ARHGEF25: variants seen among roughly 807,000 people sequenced by gnomAD.
ARHGEF25 encodes Rho guanine nucleotide exchange factor 25, also known as RAC/CDC42 exchange factor.
In ARHGEF25, 42 loss-of-function variants were observed where a neutral mutation model predicts 74.0. That is an observed-to-expected ratio of 0.57 (90% CI 0.44 to 0.73). The LOEUF (loss-of-function observed/expected upper bound fraction) is 0.73, where lower values mean the gene tolerates loss of function less well. Among genes scored for constraint, ARHGEF25 ranks in the 30% least tolerant of loss-of-function variants. The pLI is 0.00. For synonymous variants in ARHGEF25, 293 were observed against 278.6 expected, an observed-to-expected ratio of 1.05 and a Z score of -0.51; for missense variants, 645 against 725.5, an observed-to-expected ratio of 0.89 and a Z score of 1.27.
In ARHGEF25 at chr12:57,615,717, G is replaced by A; in HGVS notation, c.1239+5G>A. The A allele has an allele frequency of 6.2e-7, 1 of 1,614,172 alleles. No individual in the cohort carries two copies. The highest frequency in any genetic ancestry group is 1.1e-5 in the South Asian group (1 of 91,074). ...GTATACAAGAACAGCATTAAGGTGG[G>A]GAGAAGGCCACGAGGGAGGGCTTGG... On this transcript the variant is annotated splice_donor_5th_base_variant and intron_variant, in intron 12 of 14. Transcript: ENST00000286494.
Position 57,614,663 on chromosome 12 carries a change from C to A in ARHGEF25, c.817-26C>A. ...GACAGAACTGGGGCTTTCCAGGCTGCATAACCACCCTGTCCCTGTCCCCAG... is the reference window on the plus strand; with the variant it reads ...GACAGAACTGGGGCTTTCCAGGCTGAATAACCACCCTGTCCCTGTCCCCAG... On this transcript the variant is annotated intron_variant, in intron 8 of 14. Coordinates refer to ENST00000286494, the MANE Select transcript of ARHGEF25 (RefSeq NM_182947.4). The surrounding 1 kb of genome is among the most constrained non-coding windows in gnomAD (Gnocchi z 4.6). 6.2e-7 allele frequency: 1 copy of A among 1,613,542 alleles called. No homozygotes were observed. The highest frequency in any genetic ancestry group is 8.5e-7 in the Non-Finnish European group (1 of 1,179,772).
intron 2 of ARHGEF25, 52 bp downstream of exon 2, chr12:57,613,196 CAGAG>C: frequency 1.2e-6 from 2 of 1,609,834 alleles, no homozygotes; most frequent in Non-Finnish European, 1.7e-6. Flanking sequence ...AGGACACTGG[CAGAG>C]AGGGCAAGTT....
rs894952649 is a variant in ARHGEF25 at position 57,613,497 on chromosome 12, A to G, written c.466A>G (p.Lys156Glu). 23 of 1,614,090 alleles carry G rather than the reference A, an allele frequency of 1.4e-5. No homozygotes were observed. The highest frequency in any genetic ancestry group is 1.9e-5 in the Non-Finnish European group (23 of 1,180,050). Residue 156 changes from lysine (K) to glutamate (E), a missense_variant, in exon 4 of 15, where the codon AAG (lysine) becomes GAG (glutamate). Transcript: ENST00000286494. ...APESEEEQKK[K>E]ALERSMYVLS... is the part of the protein sequence containing the mutation. The stretch of plus-strand genomic sequence containing the variant: ...TGAGAGTGAGGAGGAACAGAAGAAG[A>G]AGGCTCTGGAAAGGAGTATGTAAGT...
In ARHGEF25 at chr12:57,612,843, G is replaced by C. The variant is rs1884107973; in HGVS notation, c.98-87G>C. On this transcript the variant is annotated intron_variant, in intron 1 of 14. Coordinates refer to ENST00000286494, the MANE Select transcript of ARHGEF25 (RefSeq NM_182947.4). ...CTTGGAGAGAGAGGCTGAGCATCAT[G>C]AAGAGAAGACCCTGGGAGTTCCCTG... 7.2e-6 allele frequency: 11 copies of C among 1,535,700 alleles called. No homozygotes were observed. In the East Asian group the frequency reaches 2.5e-4, roughly 35 times the overall value.
At position 57,613,749 on chromosome 12, in the gene ARHGEF25, C is replaced by A. The variant is rs147980194; in HGVS notation, c.541C>A (p.Gln181Lys). The A allele has an allele frequency of 2.5e-5, 40 of 1,614,072 alleles. No individual in the cohort carries two copies. The African/African-American group carries it at 4.9e-4, about 20-fold the overall frequency. Residue 181 changes from glutamine (Q) to lysine (K), a missense_variant, in exon 5 of 15, where the codon CAG becomes AAG. Around this residue, in one of 3 missense-constraint regions of ARHGEF25, gnomAD observed 194 missense variants for 269.4 expected, o/e 0.72. Transcript: ENST00000286494. ...TEKMYVDDLG[Q>K]IVEGYMATMA... ...GAAAATGTACGTGGACGACTTGGGG[C>A]AGATTGTGGAGGTAGCTCCCTTTAC...
At chr12:57,612,826 G>T (rs186182058) in intron 1 of ARHGEF25, 104 bp from the exon 2 acceptor site, 94 of 1,518,610 alleles carry the variant, frequency 6.2e-5, no homozygotes, top group Non-Finnish European at 7.6e-5. Context: ...CCCTTGGAGA[G>T]AGAGGCTGAG....
chr12:57,613,167 G>C (rs751811460), intron 2 of ARHGEF25, 23 bp downstream of exon 2: 2 of 1,611,082 alleles, frequency 1.2e-6, no homozygotes, highest in South Asian at 2.2e-5. Context: ...CGGCACCAAA[G>C]CATGTGGGAC....
At chr12:57,615,052 G>A (rs1178250403) in intron 10 of ARHGEF25, 35 bp downstream of exon 10, 1 of 1,611,684 alleles carries the variant, frequency 6.2e-7, no homozygotes, top group South Asian at 1.1e-5. Flanking sequence ...CACACCATGT[G>A]CTCCTTATCC....
rs1565729259 is a variant in ARHGEF25 at position 57,617,000 on chromosome 12, T to C, written c.*106T>C. On this transcript the variant is annotated 3_prime_UTR_variant, in exon 15 of 15. Transcript: ENST00000286494. ...CAGAATTCCTCCTTCTTGGTGTGTC[T>C]GGAGGGTGGGCAAGGCTGGGAGGGA... is the stretch of plus-strand genomic sequence containing the variant. The C allele has an allele frequency of 1.2e-5, 11 of 904,884 alleles. No homozygotes were observed. The highest frequency in any genetic ancestry group is 1.9e-5 in the Non-Finnish European group (11 of 576,386). The allele number at this position is 904,884 out of a possible 1,614,324, so 56.1% of individuals were successfully genotyped here. A position where few individuals can be genotyped will look rare whatever the true frequency, so the allele number is the denominator to read the frequency against.
At chr12:57,610,272 TG>T (rs753607714), upstream of ARHGEF25, 12 of 1,516,422 alleles carry the variant, frequency 7.9e-6, no homozygotes, top group Non-Finnish European at 7.9e-6. Context: ...CTGGGGGTCA[TG>T]GGGGGCATGC....
upstream of ARHGEF25, chr12:57,610,287 G>A (rs113892147): frequency 0.038 from 59,164 of 1,575,844 alleles, 1,397 homozygotes; most frequent in Non-Finnish European, 0.046. Flanking sequence ...GGCATGCTGC[G>A]CGCATGCGCC....
In ARHGEF25 at chr12:57,614,351, A is replaced by T. The variant is rs150532634; in HGVS notation, c.677A>T (p.Gln226Leu). The change falls in exon 7 of 15, where the codon CAA (glutamine) becomes CTA (leucine). Residue 226 changes from glutamine (Q) to leucine (L), a missense_variant. Gln to Leu is a moderately radical substitution (Grantham distance 113). Transcript: ENST00000286494. The surrounding 1 kb of genome is among the most constrained non-coding windows in gnomAD (Gnocchi z 4.6). ...TCCAGCTATTTCTTGCAAGAGCTAC[A>T]ACGGTGTCTGAAAGATCCTGATTGG... is the stretch of plus-strand genomic sequence containing the variant. ...WHRDYFLQEL[Q>L]RCLKDPDWLA... The T allele has an allele frequency of 6.2e-7, 1 of 1,614,146 alleles. No homozygotes were observed. Among genetic ancestry groups the T allele is most frequent in the Non-Finnish European group, 8.5e-7 (1 of 1,180,016 alleles).
rs773625202 is a variant in ARHGEF25 at position 57,615,528 on chromosome 12, A to T, written c.1055A>T (p.Gln352Leu). The T allele has an allele frequency of 6.2e-6, 10 of 1,614,034 alleles. No individual in the cohort carries two copies. Among genetic ancestry groups the T allele is most frequent in the Non-Finnish European group, 6.8e-6 (8 of 1,180,030 alleles). ...LRGFEGKLTAQGKLLGQDTFW... is the reference protein window; with the variant it reads ...LRGFEGKLTALGKLLGQDTFW... The stretch of plus-strand genomic sequence containing the variant: ...TGGTTTCAGGGCAAACTGACTGCTC[A>T]GGGGAAGCTCTTGGGCCAGGACACT... The change falls in exon 12 of 15, where the codon CAG becomes CTG. Residue 352 changes from glutamine (Q) to leucine (L), a missense_variant. Around this residue, in one of 3 missense-constraint regions of ARHGEF25, gnomAD observed 194 missense variants for 269.4 expected, o/e 0.72. Coordinates refer to ENST00000286494, the MANE Select transcript of ARHGEF25 (RefSeq NM_182947.4).
rs999449604 is a variant in ARHGEF25, at chr12:57,615,568, G to A, written c.1095G>A (p.Glu365=). 6.8e-6 allele frequency: 11 copies of A among 1,614,090 alleles called. No homozygotes were observed. Among genetic ancestry groups the A allele is most frequent in the South Asian group, 4.4e-5 (4 of 91,082 alleles). ...LLGQDTFWVT[E]PEAGGLLSSR... ...GCCAGGACACTTTCTGGGTCACCGA[G>A]CCTGAGGCTGGAGGGCTGCTGTCTT... is the stretch of plus-strand genomic sequence containing the variant. Residue 365 remains glutamate (E), a synonymous_variant, in exon 12 of 15, where the codon GAG becomes GAA. Transcript: ENST00000286494.
rs771640862 is a variant in ARHGEF25, at chr12:57,613,094, T to G, written c.262T>G (p.Cys88Gly). Residue 88 changes from cysteine to glycine, a missense_variant, in exon 2 of 15, where the codon TGT (cysteine) becomes GGT (glycine). Physicochemically the swap from Cys to Gly is radical, Grantham distance 159. Around this residue, in one of 3 missense-constraint regions of ARHGEF25, gnomAD observed 189 missense variants for 199.1 expected, o/e 0.95. Coordinates refer to ENST00000286494, the MANE Select transcript of ARHGEF25 (RefSeq NM_182947.4). ...GAGATGGTTGGATCATTCCAAACAT[T>G]GTCTCAGTGTGGAAACTGAGGCAGA... Reference protein sequence around the residue: ...LRRWLDHSKHCLSVETEADSG... With the variant: ...LRRWLDHSKHGLSVETEADSG... The G allele has an allele frequency of 6.2e-7, 1 of 1,613,834 alleles. No individual in the cohort carries two copies. The highest frequency in any genetic ancestry group is 8.5e-7 in the Non-Finnish European group (1 of 1,179,862).
intron 14 of ARHGEF25, 108 bp downstream of exon 14, chr12:57,616,603 T>G: frequency 9.0e-7 from 1 of 1,113,628 alleles, no homozygotes; most frequent in Non-Finnish European, 1.3e-6. Context: ...TATCTGGTCC[T>G]TCCTACTTCC....
intron 10 of ARHGEF25, 84 bp downstream of exon 10, chr12:57,615,101 T>C: frequency 6.3e-7 from 1 of 1,585,670 alleles, no homozygotes; most frequent in South Asian, 1.1e-5. Context: ...CCTTGGGTGG[T>C]TTACAGCTGT....
chr12:57,616,102 C>T (rs1451272279), intron 13 of ARHGEF25, 85 bp downstream of exon 13: 1 of 1,521,760 alleles, frequency 6.6e-7, no homozygotes, highest in Non-Finnish European at 8.9e-7. Flanking sequence ...CCAGTACCTA[C>T]CCTCTGACCA....
At position 57,616,964 on chromosome 12, in the gene ARHGEF25, TG is replaced by T; in HGVS notation, c.*72del. The stretch of plus-strand genomic sequence containing the variant: ...CCAAGGAGCTTCAGGGCAGTCCTTC[TG>T]GCACTGCTCCAGAATTCCTCCTTCT... On this transcript the variant is annotated 3_prime_UTR_variant, in exon 15 of 15. Coordinates refer to ENST00000286494, the MANE Select transcript of ARHGEF25 (RefSeq NM_182947.4). 11 of 1,198,248 alleles carry T rather than the reference TG, an allele frequency of 9.2e-6. No individual in the cohort carries two copies. Among genetic ancestry groups the T allele is most frequent in the Non-Finnish European group, 1.4e-5 (11 of 814,442 alleles). The allele number at this position is 1,198,248 out of a possible 1,614,324, so 74.2% of individuals were successfully genotyped here. A position where few individuals can be genotyped will look rare whatever the true frequency, so the allele number is the denominator to read the frequency against.
Sources: allele counts gnomAD v4.1 joint callset, GRCh38; gene constraint gnomAD v4.1.1; regional missense constraint gnomAD v4.1.1; non-coding constraint Gnocchi (gnomAD v3.1); transcripts MANE v1.5; gene names NCBI Gene and HGNC (gene_info 2026-07-23, HGNC 2026-07-21).